The following TANC1 variants were observed in gnomAD, a reference collection of about 807,000 sequenced individuals.
The protein encoded by TANC1 is tetratricopeptide repeat, ankyrin repeat and coiled-coil containing 1, also known as protein TANC1.
TANC1 carries 77 observed loss-of-function variants against 149.7 expected under a neutral mutation model. The observed-to-expected ratio is 0.51, with a 90% CI of 0.43 to 0.62. The LOEUF is 0.62. Among genes scored for constraint, TANC1 ranks in the 20% least tolerant of loss-of-function variants. The pLI is 0.00. For synonymous variants in TANC1, 854 were observed against 925.0 expected (o/e 0.92, Z 1.39); for missense variants, 1,985 against 2,321.8 (o/e 0.85, Z 2.98).
intron 2 of TANC1, among the ~76,000 whole-genome samples, chr2:159,046,878 T>G (rs2041102922): frequency 6.6e-6 from 1 of 152,114 alleles, no homozygotes. Context: ...ATGCTGGGAT[T>G]ACAGGCATGA....
intron 3 of TANC1, among the ~76,000 whole-genome samples, chr2:159,087,816 T>TG (rs1382283238): frequency 6.6e-6 from 1 of 150,456 alleles, no homozygotes; most frequent in Non-Finnish European, 1.5e-5. Flanking sequence ...ATTTGCTCGT[T>TG]GCAGATGTCA....
Position 159,163,414 on chromosome 2 carries a change from G to A in TANC1, c.814G>A (p.Val272Met). The A allele has an allele frequency of 4.3e-6, 7 of 1,614,158 alleles. No homozygotes were observed. The highest frequency in any genetic ancestry group is 5.1e-6 in the Non-Finnish European group (6 of 1,180,032). ...CCGCAGGGCAGATAACTGCTCCCCA[G>A]TGGCAGAAGAGGAGACCACCGGGTC... Reference protein sequence around the residue: ...HDRRADNCSPVAEEETTGSAE... With the variant: ...HDRRADNCSPMAEEETTGSAE... Residue 272 changes from valine to methionine, a missense_variant, in exon 8 of 27, where the codon GTG becomes ATG. Around this residue, in one of 3 missense-constraint regions of TANC1, gnomAD observed 557 missense variants for 612.9 expected, o/e 0.91. Transcript: ENST00000263635.
At chr2:159,159,006 C>T (rs1031531436) in intron 7 of TANC1, among the ~76,000 whole-genome samples, 4 of 152,186 alleles carry the variant, frequency 2.6e-5, no homozygotes, top group African/African-American at 7.2e-5. Flanking sequence ...CAATTCTGGG[C>T]TAATGCTGTA....
intron 5 of TANC1, among the ~76,000 whole-genome samples, chr2:159,140,686 ATT>A (rs375936311): frequency 9.4e-4 from 103 of 109,774 alleles, no homozygotes; most frequent in Middle Eastern, 5.7e-3. Flanking sequence ...GAGATTCTCT[ATT>A]TTTTTTTTTT....
chr2:158,990,859 G>A (rs1225623894), intron 1 of TANC1, among the ~76,000 whole-genome samples: 1 of 151,988 alleles, frequency 6.6e-6, no homozygotes, highest in Non-Finnish European at 1.5e-5. Context: ...GATTGCTTGA[G>A]CTCAGGAGTT....
At chr2:158,991,947 A>G (rs79795576) in intron 1 of TANC1, among the ~76,000 whole-genome samples, 9,151 of 152,292 alleles carry the variant, frequency 0.06, 397 homozygotes, top group Non-Finnish European at 0.085. Context: ...CACCTTTCAC[A>G]TACATTATTT....
chr2:159,178,420 A>G (rs1254737155), intron 13 of TANC1, 136 bp from the exon 14 acceptor site: 2 of 1,023,240 alleles, frequency 2.0e-6, no homozygotes, highest in African/African-American at 3.2e-5. Flanking sequence ...TACACGTTTT[A>G]ATACAAAACA....
chr2:159,230,216 T>G lies in TANC1; in HGVS notation c.4790T>G (p.Phe1597Cys). Reference protein sequence around the residue: ...TFTTRAGCGHFGDRLGPSQNV... With the variant: ...TFTTRAGCGHCGDRLGPSQNV... ...ACTACAAGAGCTGGTTGTGGCCACT[T>G]TGGGGATCGGCTGGGCCCCAGCCAG... Residue 1597 changes from phenylalanine to cysteine, a missense_variant, in exon 27 of 27, where the codon TTT (phenylalanine) becomes TGT (cysteine). By Grantham distance (205) the Phe-to-Cys change is radical. Around this residue, in one of 3 missense-constraint regions of TANC1, gnomAD observed 920 missense variants for 994.7 expected, o/e 0.92. Coordinates refer to ENST00000263635, the MANE Select transcript of TANC1 (RefSeq NM_033394.3). The surrounding 1 kb of genome is among the most constrained non-coding windows in gnomAD (Gnocchi z 4.4). 2 of 1,613,946 alleles carry G rather than the reference T, an allele frequency of 1.2e-6. No individual in the cohort carries two copies. Among genetic ancestry groups the G allele is most frequent in the East Asian group, 2.2e-5 (1 of 44,870 alleles).
In TANC1 at chr2:159,077,910, C is replaced by T. The variant is rs76985128; in HGVS notation, c.61+11939C>T. 9.6e-3 allele frequency among the ~76,000 whole-genome samples: 1,459 copies of T among 152,266 alleles called. 13 individuals are homozygous for T. The highest frequency in any genetic ancestry group is 0.016 in the Non-Finnish European group (1,109 of 68,016). On this transcript the variant is annotated intron_variant, in intron 3 of 26. Coordinates refer to ENST00000263635, the MANE Select transcript of TANC1 (RefSeq NM_033394.3). Reference sequence around the variant, plus strand: ...TTTGAAAGGTGGTAAGTTTACAATTCCACCAGTAATATAAGAGAATACTTG... The same window carrying T: ...TTTGAAAGGTGGTAAGTTTACAATTTCACCAGTAATATAAGAGAATACTTG...
Position 159,156,146 on chromosome 2 carries a change from G to A in TANC1, c.682+5590G>A, listed in dbSNP as rs186027668. ...ATACTGCTTTGTTGCCACCTGTATC[G>A]CCCTGCTCACTACTAAATTGAAATG... is the stretch of plus-strand genomic sequence containing the variant. On this transcript the variant is annotated intron_variant, in intron 7 of 26. Transcript: ENST00000263635. Among the ~76,000 whole-genome samples, 13 of 152,180 alleles carry A rather than the reference G, an allele frequency of 8.5e-5. No individual in the cohort carries two copies. In the South Asian group the frequency reaches 1.5e-3, roughly 17 times the overall value.
intron 16 of TANC1, among the ~76,000 whole-genome samples, chr2:159,190,888 A>C (rs1480676146): frequency 6.6e-6 from 1 of 152,256 alleles, no homozygotes; most frequent in African/African-American, 2.4e-5. Flanking sequence ...TGCAGTCTTA[A>C]AATGCTTTTG....
chr2:159,130,872 GTT>G (rs1256886073), intron 4 of TANC1, among the ~76,000 whole-genome samples: 91 of 152,268 alleles, frequency 6.0e-4, no homozygotes, highest in African/African-American at 2.1e-3. Flanking sequence ...ATCTGTGTCA[GTT>G]GCTGTCTTTC....
chr2:159,112,166 T>G (rs1396551143), intron 4 of TANC1, among the ~76,000 whole-genome samples: 1 of 152,276 alleles, frequency 6.6e-6, no homozygotes, highest in African/African-American at 2.4e-5. Context: ...GTGTATGCAC[T>G]CATATGTACA....
chr2:159,030,713 G>T lies in TANC1; in HGVS notation c.-16+29524G>T, dbSNP rs538878444. Among the ~76,000 whole-genome samples the T allele has an allele frequency of 9.2e-5, 14 of 152,314 alleles. 1 individual carries two copies. In the South Asian group the frequency reaches 2.9e-3, roughly 32 times the overall value. On this transcript the variant is annotated intron_variant, in intron 2 of 26. Transcript: ENST00000263635. ...AGAGATCCTGTTTTCTCAGTTTGTTGTTGGGGTTTTGTTTTTGACATTTTT... is the reference window on the plus strand; with the variant it reads ...AGAGATCCTGTTTTCTCAGTTTGTTTTTGGGGTTTTGTTTTTGACATTTTT...
At chr2:159,200,049 G>T (rs896277787) in intron 19 of TANC1, among the ~76,000 whole-genome samples, 1 of 152,208 alleles carries the variant, frequency 6.6e-6, no homozygotes, top group Non-Finnish European at 1.5e-5. Context: ...TTATGTCTAC[G>T]GGTAAAAGTA....
intron 11 of TANC1, among the ~76,000 whole-genome samples, chr2:159,172,912 T>C (rs1292602857): frequency 6.6e-6 from 1 of 152,140 alleles, no homozygotes; most frequent in Non-Finnish European, 1.5e-5. Flanking sequence ...CCAGCAGCCA[T>C]GGGGACACCT....
At position 159,229,822 on chromosome 2, in the gene TANC1, C is replaced by T. The variant is rs747915954; in HGVS notation, c.4396C>T (p.Pro1466Ser). The change falls in exon 27 of 27, where the codon CCC becomes TCC. Residue 1466 changes from proline (P) to serine (S), a missense_variant. Transcript: ENST00000263635. ...GGAGACTGAAGAGGAAGAAACTTCTCCCCAGGAAGAATCTGTTTCCCCAAC... is the reference window on the plus strand; with the variant it reads ...GGAGACTGAAGAGGAAGAAACTTCTTCCCAGGAAGAATCTGTTTCCCCAAC... ...SEETEEEETS[P>S]QEESVSPTPR... The T allele has an allele frequency of 3.1e-6, 5 of 1,614,020 alleles. No homozygotes were observed. In the African/African-American group the frequency reaches 6.7e-5, roughly 22 times the overall value.
At chr2:159,123,622 C>T (rs1431438415) in intron 4 of TANC1, among the ~76,000 whole-genome samples, 1 of 152,162 alleles carries the variant, frequency 6.6e-6, no homozygotes, top group African/African-American at 2.4e-5. Flanking sequence ...TTGGAGAAGA[C>T]ATTCCCAAAT....
At chr2:158,985,691 T>A (rs772444724) in intron 1 of TANC1, among the ~76,000 whole-genome samples, 11 of 152,148 alleles carry the variant, frequency 7.2e-5, no homozygotes, top group Non-Finnish European at 1.6e-4. Context: ...TTGCCCAGGC[T>A]GGAGTGCAGT....
Sources: allele counts gnomAD v4.1 joint callset (sites outside exome capture counted in the v4.1 genomes callset), GRCh38; gene constraint gnomAD v4.1.1; regional missense constraint gnomAD v4.1.1; non-coding constraint Gnocchi (gnomAD v3.1); transcripts MANE v1.5; gene names NCBI Gene and HGNC (gene_info 2026-07-23, HGNC 2026-07-21).